Variants in SASH3 observed in about 807,000 individuals in gnomAD.
The protein encoded by SASH3 is SAM and SH3 domain containing 3, also known as SAM and SH3 domain-containing protein 3.
SASH3 carries 7 observed loss-of-function variants against 26.1 expected under a neutral mutation model. The ratio of observed to expected loss-of-function variants is 0.27; its 90% CI spans 0.15 to 0.50. The LOEUF (loss-of-function observed/expected upper bound fraction) is 0.50, where lower values mean the gene tolerates loss of function less well. Among genes scored for constraint, SASH3 ranks in the 20% least tolerant of loss-of-function variants. SASH3 has a pLI of 0.98. For missense variants in SASH3, 231 were observed against 318.3 expected (o/e 0.73, Z 2.09); for synonymous variants, 138 against 136.8 (o/e 1.01, Z -0.06).
rs1927272788 is a variant in SASH3, at chrX:129,793,625, T to G, written c.953-17T>G. On this transcript the variant is annotated splice_polypyrimidine_tract_variant and intron_variant, in intron 7 of 7. Coordinates refer to ENST00000356892, the MANE Select transcript of SASH3 (RefSeq NM_018990.4). Reference sequence around the variant, plus strand: ...CCTCCACCCCCATATTCTGTCTCCCTCTCTCGTCCCTGGCAGCTGGCAGTG... The same window carrying G: ...CCTCCACCCCCATATTCTGTCTCCCGCTCTCGTCCCTGGCAGCTGGCAGTG... 1.7e-6 allele frequency: 2 copies of G among 1,206,400 alleles called. No homozygotes were observed. The highest frequency in any genetic ancestry group is 4.4e-5 in the Admixed American group (2 of 45,814).
intron 3 of SASH3, among the ~76,000 whole-genome samples, chrX:129,790,189 G>A (rs1408847428): frequency 1.8e-5 from 2 of 111,835 alleles, no homozygotes; most frequent in Non-Finnish European, 3.8e-5. Context: ...TGCTGCTGAG[G>A]TTACGTGCAT....
intron 7 of SASH3, 143 bp from the exon 8 acceptor site, chrX:129,793,499 C>A: frequency 1.6e-6 from 1 of 636,147 alleles, no homozygotes; most frequent in Non-Finnish European, 2.4e-6. Flanking sequence ...CTGGAAACAA[C>A]TCCTACCAGC....
At position 129,793,936 on chromosome X, in the gene SASH3, T is replaced by A; in HGVS notation, c.*104T>A. 1.3e-6 allele frequency: 1 copy of A among 788,222 alleles called. No homozygotes were observed. Among genetic ancestry groups the A allele is most frequent in the Non-Finnish European group, 1.8e-6 (1 of 554,055 alleles). 65.0% of individuals were successfully genotyped at this position (788,222 alleles called of 1,213,427 possible). A position where few individuals can be genotyped will look rare whatever the true frequency, so the allele number is the denominator to read the frequency against. The stretch of plus-strand genomic sequence containing the variant: ...AGGTCCTGAGGACTGGCACTGAGCC[T>A]GGCCCTGCTTCCCCAGGGACACTTA... On this transcript the variant is annotated 3_prime_UTR_variant, in exon 8 of 8. Transcript: ENST00000356892.
Position 129,793,986 on chromosome X carries a change from C to T in SASH3, c.*154C>T. The T allele has an allele frequency of 3.8e-6, 2 of 526,055 alleles. No individual in the cohort carries two copies. Among genetic ancestry groups the T allele is most frequent in the South Asian group, 3.5e-5 (1 of 28,571 alleles). The allele number at this position is 526,055 out of a possible 1,213,427, so 43.4% of individuals were successfully genotyped here. ...AGGGCCACAGAGGCCAGGCCAGGGC[C>T]CTACAGGTTCCAGGCTCAGCTGGAG... On this transcript the variant is annotated 3_prime_UTR_variant, in exon 8 of 8. Coordinates refer to ENST00000356892, the MANE Select transcript of SASH3 (RefSeq NM_018990.4).
intron 3 of SASH3, among the ~76,000 whole-genome samples, chrX:129,789,165 G>GAAAGAA (rs1360193980): frequency 1.6e-5 from 1 of 62,480 alleles, no homozygotes; most frequent in East Asian, 8.8e-4. Context: ...AAGAAAGAAA[G>GAAAGAA]AGAAAAAAAA....
At position 129,791,056 on chromosome X, in the gene SASH3, G is replaced by T. The variant is rs201751439; in HGVS notation, c.417G>T (p.Pro139=). ...AFSEQEEHEL[P]VLSRQASTGS... ...CTGAGCAAGAGGAGCATGAACTTCC[G>T]GTGCTCAGCCGCCAGGCATCAACAG... The change falls in exon 4 of 8, where the codon CCG becomes CCT. Residue 139 remains proline (P), a synonymous_variant. Transcript: ENST00000356892. 1.7e-6 allele frequency: 2 copies of T among 1,209,547 alleles called. No individual in the cohort carries two copies. Among genetic ancestry groups the T allele is most frequent in the Non-Finnish European group, 2.2e-6 (2 of 894,933 alleles).
chrX:129,784,864 G>A (rs1181386328), intron 1 of SASH3, among the ~76,000 whole-genome samples: 2 of 109,807 alleles, frequency 1.8e-5, no homozygotes, highest in Non-Finnish European at 3.8e-5. Flanking sequence ...ATTATACAGG[G>A]GGAACCATAT....
chrX:129,789,054 A>G lies in SASH3; in HGVS notation c.300+477A>G, dbSNP rs377180907. Among the ~76,000 whole-genome samples, 12 of 104,503 alleles carry G rather than the reference A, an allele frequency of 1.1e-4. No homozygotes were observed. The East Asian group carries it at 1.8e-3, about 16-fold the overall frequency. 90.7% of individuals were successfully genotyped at this position (104,503 alleles called of 115,157 possible). A position where few individuals can be genotyped will look rare whatever the true frequency, so the allele number is the denominator to read the frequency against. On this transcript the variant is annotated intron_variant, in intron 3 of 7. Coordinates refer to ENST00000356892, the MANE Select transcript of SASH3 (RefSeq NM_018990.4). ...GAGACAGAGGTTACAGTGTGCCAAG[A>G]TCGTGCCACTGCACTCCAGCCTGGG... is the stretch of plus-strand genomic sequence containing the variant.
At position 129,792,405 on chromosome X, in the gene SASH3, T is replaced by G; in HGVS notation, c.520T>G (p.Phe174Val). Reference protein sequence around the residue: ...EPPAPQYTGPFCGRARVHTDF... With the variant: ...EPPAPQYTGPVCGRARVHTDF... Reference sequence around the variant, plus strand: ...ACCTGCCCCCCAGTACACAGGGCCTTTCTGTGGCCGGGCACGAGTCCACAC... The same window carrying G: ...ACCTGCCCCCCAGTACACAGGGCCTGTCTGTGGCCGGGCACGAGTCCACAC... The change falls in exon 5 of 8, where the codon TTC (phenylalanine) becomes GTC (valine). Residue 174 changes from phenylalanine to valine, a missense_variant. Transcript: ENST00000356892. The G allele has an allele frequency of 8.3e-7, 1 of 1,211,452 alleles. No homozygotes were observed. Among genetic ancestry groups the G allele is most frequent in the Non-Finnish European group, 1.1e-6 (1 of 895,346 alleles).
At chrX:129,784,864 G>C (rs1181386328) in intron 1 of SASH3, among the ~76,000 whole-genome samples, 1 of 109,807 alleles carries the variant, frequency 9.1e-6, no homozygotes, top group Non-Finnish European at 1.9e-5. Flanking sequence ...ATTATACAGG[G>C]GGAACCATAT....
At position 129,783,222 on chromosome X, in the gene SASH3, G is replaced by A. The variant is rs371292017; in HGVS notation, c.57+3068G>A. Among the ~76,000 whole-genome samples the A allele has an allele frequency of 1.2e-3, 133 of 111,022 alleles. No individual in the cohort carries two copies. The South Asian group carries it at 0.048, about 40-fold the overall frequency. ...ACCATCCCATCATCAGGCTCTCAAC[G>A]TCTCTAACTTTCATTCTTGTTCAAA... On this transcript the variant is annotated intron_variant, in intron 1 of 7. Coordinates refer to ENST00000356892, the MANE Select transcript of SASH3 (RefSeq NM_018990.4).
chrX:129,791,664 C>A (rs764670651), intron 4 of SASH3, among the ~76,000 whole-genome samples: 1 of 111,992 alleles, frequency 8.9e-6, no homozygotes, highest in South Asian at 3.7e-4. Flanking sequence ...TTCTGCAGCC[C>A]CATTCAGCAC....
At chrX:129,791,570 A>G (rs909962131) in intron 4 of SASH3, among the ~76,000 whole-genome samples, 1 of 112,188 alleles carries the variant, frequency 8.9e-6, no homozygotes, top group African/African-American at 3.2e-5. Context: ...TGCTGGGCTC[A>G]GGGCATCACC....
chrX:129,794,057 G>T lies in SASH3; in HGVS notation c.*225G>T. 1 of 389,405 alleles carries T rather than the reference G, an allele frequency of 2.6e-6. No individual in the cohort carries two copies. Among genetic ancestry groups the T allele is most frequent in the Non-Finnish European group, 4.5e-6 (1 of 223,908 alleles). The allele number at this position is 389,405 out of a possible 1,213,427, so 32.1% of individuals were successfully genotyped here. ...GGCACATCCCACCTGCCTGAGCCCC[G>T]CCCTCCACCAGCGACTGACAGCGCA... On this transcript the variant is annotated 3_prime_UTR_variant, in exon 8 of 8. Transcript: ENST00000356892.
chrX:129,781,636 C>T (rs1257382771), intron 1 of SASH3, among the ~76,000 whole-genome samples: 1 of 112,570 alleles, frequency 8.9e-6, no homozygotes, highest in Non-Finnish European at 1.9e-5. Context: ...GACCCTGTGC[C>T]ACATCAGGAA....
rs773324212 is a variant in SASH3 at position 129,792,431 on chromosome X, C to T, written c.546C>T (p.Thr182=). The T allele has an allele frequency of 9.9e-6, 12 of 1,210,152 alleles. No homozygotes were observed. The highest frequency in any genetic ancestry group is 7.0e-5 in the South Asian group (4 of 56,854). Residue 182 remains threonine (T), a synonymous_variant, in exon 5 of 8, where the codon ACC becomes ACT. Coordinates refer to ENST00000356892, the MANE Select transcript of SASH3 (RefSeq NM_018990.4). ...GPFCGRARVH[T]DFTPSPYDHD... is the part of the protein sequence containing the mutation. ...TCTGTGGCCGGGCACGAGTCCACAC[C>T]GACTTCACTCCCAGCCCCTATGACC...
Position 129,781,516 on chromosome X carries a change from G to C in SASH3, c.57+1362G>C, listed in dbSNP as rs184760096. On this transcript the variant is annotated intron_variant, in intron 1 of 7. Transcript: ENST00000356892. ...CAGGGCCACTTCCCCTTGCTCTCTG[G>C]CTGGTGGGGGTGGGAAACAGAGATT... is the stretch of plus-strand genomic sequence containing the variant. Among the ~76,000 whole-genome samples, 21 of 111,979 alleles carry C rather than the reference G, an allele frequency of 1.9e-4. No homozygotes were observed. In the East Asian group the frequency reaches 5.9e-3, roughly 31 times the overall value.
chrX:129,780,083 C>A lies in SASH3; in HGVS notation c.-15C>A, dbSNP rs1356839853. ...CCTAGGAGAGCAGGGACGGAGTCTC[C>A]CAGGGTGGAGGACCATGCTGCGCCG... On this transcript the variant is annotated 5_prime_UTR_variant, in exon 1 of 8. Coordinates refer to ENST00000356892, the MANE Select transcript of SASH3 (RefSeq NM_018990.4). The A allele has an allele frequency of 7.4e-6, 9 of 1,208,142 alleles. No homozygotes were observed. Among genetic ancestry groups the A allele is most frequent in the Admixed American group, 2.2e-5 (1 of 45,751 alleles).
intron 1 of SASH3, among the ~76,000 whole-genome samples, chrX:129,785,061 T>G (rs1402239892): frequency 9.1e-6 from 1 of 110,346 alleles, no homozygotes; most frequent in African/African-American, 3.3e-5. Context: ...ATATTTCAAA[T>G]GTAATATACA....
Sources: allele counts gnomAD v4.1 joint callset (sites outside exome capture counted in the v4.1 genomes callset), GRCh38; gene constraint gnomAD v4.1.1; transcripts MANE v1.5; gene names NCBI Gene and HGNC (gene_info 2026-07-23, HGNC 2026-07-21).